The following KIF21A variants were observed in gnomAD, a reference collection of about 807,000 sequenced individuals.
KIF21A encodes the protein kinesin family member 21A, also known as kinesin-like protein KIF21A.
Under a neutral mutation model 202.9 loss-of-function variants are expected in KIF21A, and 114 were observed. That is an observed-to-expected ratio of 0.56 (90% CI 0.48 to 0.66). The LOEUF is 0.66. Ranked by LOEUF, KIF21A falls within the 30% of genes least tolerant of loss-of-function variation. KIF21A has a pLI of 0.00. For missense variants in KIF21A, 1,677 were observed against 1,994.9 expected (o/e 0.84, Z 3.04); for synonymous variants, 667 against 670.8 (o/e 0.99, Z 0.09).
At chr12:39,341,164 G>A in intron 14 of KIF21A, 70 bp from the exon 15 acceptor site, 1 of 1,245,136 alleles carries the variant, frequency 8.0e-7, no homozygotes, top group Non-Finnish European at 1.1e-6. Flanking sequence ...CTTTCAAGCA[G>A]ACCATAAAAA....
At chr12:39,405,983 A>G (rs1952558266) in intron 1 of KIF21A, among the ~76,000 whole-genome samples, 1 of 152,200 alleles carries the variant, frequency 6.6e-6, no homozygotes, top group Admixed American at 6.5e-5. Flanking sequence ...GCTTATATGT[A>G]AAGCGTGTCT....
chr12:39,303,401 C>T (rs769573361), intron 35 of KIF21A, among the ~76,000 whole-genome samples: 8 of 152,108 alleles, frequency 5.3e-5, no homozygotes, highest in Non-Finnish European at 8.8e-5. Context: ...CAGGCTCAAG[C>T]GATCCTCTTA....
chr12:39,316,118 A>T, intron 29 of KIF21A, 148 bp from the exon 30 acceptor site: 1 of 700,016 alleles, frequency 1.4e-6, no homozygotes, highest in Non-Finnish European at 2.6e-6. Flanking sequence ...CTTGCACTGG[A>T]TATTAGCATG....
At chr12:39,380,263 C>A (rs1472290211) in intron 1 of KIF21A, among the ~76,000 whole-genome samples, 1 of 152,214 alleles carries the variant, frequency 6.6e-6, no homozygotes, top group African/African-American at 2.4e-5. Flanking sequence ...CCACCGCTCC[C>A]GGCCTAACAA....
chr12:39,303,240 CTTG>C, intron 35 of KIF21A, 105 bp from the exon 36 acceptor site: 4 of 919,240 alleles, frequency 4.4e-6, no homozygotes, highest in Non-Finnish European at 5.2e-6. Context: ...TCAGACATGA[CTTG>C]TTTTGTTATC....
intron 1 of KIF21A, among the ~76,000 whole-genome samples, chr12:39,387,196 ACACACAC>A (rs1157618294): frequency 6.6e-6 from 1 of 151,592 alleles, no homozygotes; most frequent in African/African-American, 2.4e-5. Context: ...ACACACACAC[ACACACAC>A]AAGCTTGGAC....
intron 11 of KIF21A, among the ~76,000 whole-genome samples, chr12:39,347,249 G>A (rs1947979189): frequency 6.6e-6 from 1 of 151,378 alleles, no homozygotes; most frequent in Admixed American, 6.6e-5. Context: ...AAAAAAAAGG[G>A]GGGTGGGGAG....
chr12:39,319,393 AAC>A (rs1357790866), intron 28 of KIF21A, among the ~76,000 whole-genome samples: 2 of 152,170 alleles, frequency 1.3e-5, no homozygotes, highest in South Asian at 2.1e-4. Context: ...ACCCTCACAA[AAC>A]ACACAGAAGA....
chr12:39,341,054 A>C lies in KIF21A; in HGVS notation c.1962T>G (p.Ile654Met), dbSNP rs778929196. The C allele has an allele frequency of 4.3e-6, 7 of 1,611,252 alleles. No homozygotes were observed. The Admixed American group carries it at 1.2e-4, about 27-fold the overall frequency. ...CATCAATCAGCTTTTGCTTAATTGCAATTTCACAAGTAATGTTTGCCAAGT... is the reference window on the plus strand; with the variant it reads ...CATCAATCAGCTTTTGCTTAATTGCCATTTCACAAGTAATGTTTGCCAAGT... ...QADLANITCE[I>M]AIKQKLIDEL... is the part of the protein sequence containing the mutation. The change falls in exon 15 of 38, where the codon ATT becomes ATG. Residue 654 changes from isoleucine to methionine, a missense_variant. Ile to Met is a conservative substitution (Grantham distance 10, BLOSUM62 1). Coordinates refer to ENST00000361418, the MANE Select transcript of KIF21A (RefSeq NM_001173464.2).
chr12:39,308,650 A>AT lies in KIF21A; in HGVS notation c.4278-922dup, dbSNP rs1389887183. Among the ~76,000 whole-genome samples the AT allele has an allele frequency of 1.6e-4, 24 of 152,146 alleles. No individual in the cohort carries two copies. In the East Asian group the frequency reaches 4.1e-3, roughly 26 times the overall value. ...TTTCTTCAGATAAATTCTAGGTGAA[A>AT]TTTTTTTTAAATTTTGAAACATTTT... is the stretch of plus-strand genomic sequence containing the variant. On this transcript the variant is annotated intron_variant, in intron 33 of 37. Coordinates refer to ENST00000361418, the MANE Select transcript of KIF21A (RefSeq NM_001173464.2).
At chr12:39,380,681 ATT>A (rs1402595013) in intron 1 of KIF21A, among the ~76,000 whole-genome samples, 1 of 151,998 alleles carries the variant, frequency 6.6e-6, no homozygotes, top group African/African-American at 2.4e-5. Flanking sequence ...ACATACTGAG[ATT>A]CCATCTTTTA....
chr12:39,341,649 A>G lies in KIF21A; in HGVS notation c.1804-27T>C, dbSNP rs769795759. The G allele has an allele frequency of 3.8e-6, 6 of 1,578,234 alleles. No individual in the cohort carries two copies. In the South Asian group the frequency reaches 4.5e-5, roughly 12 times the overall value. On this transcript the variant is annotated intron_variant, in intron 13 of 37. Transcript: ENST00000361418. ...TAAAATGTGATTTGTAAAAATTAAT[A>G]GCACAATATTGGCAAAACAAACTGA... is the stretch of plus-strand genomic sequence containing the variant.
At chr12:39,399,445 G>C (rs1319150021) in intron 1 of KIF21A, among the ~76,000 whole-genome samples, 1 of 152,130 alleles carries the variant, frequency 6.6e-6, no homozygotes, top group African/African-American at 2.4e-5. Flanking sequence ...TCCCTAAATA[G>C]AGACAGAATG....
intron 13 of KIF21A, 78 bp downstream of exon 13, chr12:39,341,952 CAAGT>C (rs1307687305): frequency 2.1e-6 from 2 of 935,440 alleles, no homozygotes; most frequent in Non-Finnish European, 3.5e-6. Flanking sequence ...CACTTTTCTA[CAAGT>C]AAGTTAGTAA....
chr12:39,352,392 T>G (rs1189834460), intron 10 of KIF21A, among the ~76,000 whole-genome samples: 2 of 152,148 alleles, frequency 1.3e-5, no homozygotes, highest in East Asian at 3.8e-4. Flanking sequence ...AAAATAATCA[T>G]AAAAGAATGC....
At chr12:39,303,755 TCCC>T (rs1943191191) in intron 35 of KIF21A, among the ~76,000 whole-genome samples, 2 of 152,164 alleles carry the variant, frequency 1.3e-5, no homozygotes, top group Non-Finnish European at 2.9e-5. Flanking sequence ...AACTCTGCAG[TCCC>T]GGAGGTCATC....
intron 1 of KIF21A, among the ~76,000 whole-genome samples, chr12:39,441,688 A>C (rs1242349570): frequency 6.7e-6 from 1 of 150,116 alleles, no homozygotes; most frequent in African/African-American, 2.4e-5. Context: ...AAACACTTAA[A>C]AACTCATTTT....
chr12:39,320,426 T>C (rs1945084548), intron 27 of KIF21A, among the ~76,000 whole-genome samples: 1 of 151,596 alleles, frequency 6.6e-6, no homozygotes, highest in Non-Finnish European at 1.5e-5. Context: ...AATGAATTAA[T>C]ATTGAGACAC....
intron 1 of KIF21A, among the ~76,000 whole-genome samples, chr12:39,415,977 T>A (rs956492453): frequency 1.3e-5 from 2 of 152,140 alleles, no homozygotes; most frequent in African/African-American, 4.8e-5. Context: ...AGCTTAATGA[T>A]GAACTAACCA....
Sources: allele counts gnomAD v4.1 joint callset (sites outside exome capture counted in the v4.1 genomes callset), GRCh38; gene constraint gnomAD v4.1.1; transcripts MANE v1.5; gene names NCBI Gene and HGNC (gene_info 2026-07-23, HGNC 2026-07-21).